The following ST3GAL3 variants were observed in gnomAD, a reference collection of about 807,000 sequenced individuals.
The protein encoded by ST3GAL3 is CMP-N-acetylneuraminate-beta-1,4-galactoside alpha-2,3-sialyltransferase.
In ST3GAL3, 21 loss-of-function variants were observed where a neutral mutation model predicts 50.1. The observed-to-expected ratio is 0.42, with a 90% CI of 0.30 to 0.60. ST3GAL3 has a LOEUF of 0.60. ST3GAL3 is among the 20% of genes least tolerant of loss of function. The pLI, the probability that ST3GAL3 is intolerant of heterozygous loss-of-function variation, is 0.19. For missense variants in ST3GAL3, 353 were observed against 489.4 expected (o/e 0.72, Z 2.63); for synonymous variants, 183 against 190.0 (o/e 0.96, Z 0.30).
chr1:43,881,068 T>C (rs1211027597), intron 5 of ST3GAL3, among the ~76,000 whole-genome samples: 1 of 151,832 alleles, frequency 6.6e-6, no homozygotes, highest in Non-Finnish European at 1.5e-5. Context: ...TGGAGTGCAA[T>C]GGCGCGATCT....
intron 3 of ST3GAL3, among the ~76,000 whole-genome samples, chr1:43,812,282 G>A (rs1350906234): frequency 6.6e-6 from 1 of 152,098 alleles, no homozygotes; most frequent in African/African-American, 2.4e-5. Context: ...CGGGGCCTGC[G>A]TTGCTGCCTG....
At chr1:43,748,126 A>G (rs1166029346) in intron 2 of ST3GAL3, among the ~76,000 whole-genome samples, 1 of 152,160 alleles carries the variant, frequency 6.6e-6, no homozygotes. Flanking sequence ...AGCAGAAACC[A>G]AATATATATT....
Position 43,814,905 on chromosome 1 carries a change from G to A in ST3GAL3, c.181G>A (p.Gly61Ser). 6.2e-7 allele frequency: 1 copy of A among 1,614,106 alleles called. No homozygotes were observed. Among genetic ancestry groups the A allele is most frequent in the Non-Finnish European group, 8.5e-7 (1 of 1,180,028 alleles). Residue 61 changes from glycine (G) to serine (S), a missense_variant, in exon 4 of 12, where the codon GGC becomes AGC. Transcript: ENST00000347631. ...TTCTTTTTCAGAGTATGATCGGTTGGGCTTCCTCCTGAATCTGGACTCTAA... is the reference window on the plus strand; with the variant it reads ...TTCTTTTTCAGAGTATGATCGGTTGAGCTTCCTCCTGAATCTGGACTCTAA... ...QTLGSEYDRLGFLLNLDSKLP... is the reference protein window; with the variant it reads ...QTLGSEYDRLSFLLNLDSKLP...
chr1:43,798,134 T>C (rs2058894878), intron 3 of ST3GAL3, among the ~76,000 whole-genome samples: 1 of 152,202 alleles, frequency 6.6e-6, no homozygotes, highest in South Asian at 2.1e-4. Context: ...ACCCTGATTG[T>C]TCCTCTTCCT....
intron 2 of ST3GAL3, among the ~76,000 whole-genome samples, chr1:43,765,198 A>G (rs1364430710): frequency 6.6e-6 from 1 of 152,096 alleles, no homozygotes; most frequent in Non-Finnish European, 1.5e-5. Context: ...ATTTAGGGCC[A>G]CAGACTTCAT....
intron 1 of ST3GAL3, among the ~76,000 whole-genome samples, chr1:43,728,743 TA>T (rs958356858): frequency 6.6e-6 from 1 of 152,052 alleles, no homozygotes; most frequent in Admixed American, 6.6e-5. Context: ...AGAAACTGTT[TA>T]AAAAAAATTA....
chr1:43,725,176 T>C (rs1672321994), intron 1 of ST3GAL3, among the ~76,000 whole-genome samples: 1 of 152,164 alleles, frequency 6.6e-6, no homozygotes, highest in Admixed American at 6.5e-5. Flanking sequence ...TGCAACTCTT[T>C]ACCTGCATGC....
intron 3 of ST3GAL3, among the ~76,000 whole-genome samples, chr1:43,800,804 A>G (rs1284837095): frequency 6.6e-6 from 1 of 152,198 alleles, no homozygotes; most frequent in African/African-American, 2.4e-5. Flanking sequence ...TGCAAGCCTG[A>G]CAGCCCATTT....
chr1:43,770,392 C>A (rs945590747), intron 2 of ST3GAL3, among the ~76,000 whole-genome samples: 2 of 151,906 alleles, frequency 1.3e-5, no homozygotes, highest in Non-Finnish European at 2.9e-5. Context: ...AAAGCACTGA[C>A]ATAGGAGGGA....
chr1:43,862,999 C>T (rs984019012), intron 5 of ST3GAL3, among the ~76,000 whole-genome samples: 1 of 152,146 alleles, frequency 6.6e-6, no homozygotes, highest in African/African-American at 2.4e-5. Flanking sequence ...TTGAGTTTGA[C>T]GGTCTCCCTC....
At chr1:43,898,498 T>G in intron 7 of ST3GAL3, 200 bp downstream of exon 7, 1 of 653,370 alleles carries the variant, frequency 1.5e-6, no homozygotes, top group Admixed American at 2.1e-5. Flanking sequence ...TGTCAGCACT[T>G]GGCAGGACAT....
rs2082792890 is a variant in ST3GAL3, at chr1:43,920,254, A to G, written c.745-150A>G. ...TGTCACACACTCCATTTCCCCAAAC[A>G]CAGATGGGCTTCCTACACCACAGGC... is the stretch of plus-strand genomic sequence containing the variant. On this transcript the variant is annotated intron_variant, in intron 9 of 11. Transcript: ENST00000347631. The G allele has an allele frequency of 8.0e-6, 7 of 869,932 alleles. No homozygotes were observed. In the East Asian group the frequency reaches 1.7e-4, roughly 21 times the overall value. The allele number at this position is 869,932 out of a possible 1,614,324, so 53.9% of individuals were successfully genotyped here. A position where few individuals can be genotyped will look rare whatever the true frequency, so the allele number is the denominator to read the frequency against.
intron 2 of ST3GAL3, among the ~76,000 whole-genome samples, chr1:43,745,448 A>ACT (rs10692321): frequency 0.36 from 55,084 of 151,904 alleles, 11,081 homozygotes; most frequent in African/African-American, 0.55. Context: ...CTCTAAATAG[A>ACT]CTGATAAGTT....
At chr1:43,896,385 T>G (rs1358754368) in intron 6 of ST3GAL3, among the ~76,000 whole-genome samples, 1 of 152,168 alleles carries the variant, frequency 6.6e-6, no homozygotes, top group Non-Finnish European at 1.5e-5. Context: ...ATACAAAAAA[T>G]ACTAGGAATA....
At chr1:43,843,196 T>C (rs557696105) in intron 5 of ST3GAL3, among the ~76,000 whole-genome samples, 17 of 152,364 alleles carry the variant, frequency 1.1e-4, no homozygotes, top group Non-Finnish European at 2.4e-4. Flanking sequence ...TTCACCATTA[T>C]GGTGTTAGCT....
At chr1:43,927,228 G>A (rs572024243) in intron 11 of ST3GAL3, among the ~76,000 whole-genome samples, 2 of 152,256 alleles carry the variant, frequency 1.3e-5, no homozygotes, top group Admixed American at 1.3e-4. Flanking sequence ...AGGAGGCTGA[G>A]GCAGGAGAAT....
intron 2 of ST3GAL3, among the ~76,000 whole-genome samples, chr1:43,751,832 T>G (rs1686229574): frequency 6.6e-6 from 1 of 150,736 alleles, no homozygotes; most frequent in Admixed American, 6.6e-5. Context: ...TTTTGTTCTG[T>G]TTTTTTTTGA....
At chr1:43,747,401 G>A (rs1047691305) in intron 2 of ST3GAL3, among the ~76,000 whole-genome samples, 2 of 151,812 alleles carry the variant, frequency 1.3e-5, no homozygotes, top group African/African-American at 2.4e-5. Context: ...GACAGAGTGA[G>A]ACTCCATCTC....
At position 43,888,945 on chromosome 1, in the gene ST3GAL3, A is replaced by G. The variant is rs569540323; in HGVS notation, c.303-5438A>G. The stretch of plus-strand genomic sequence containing the variant: ...TTTTAGGAATCTATTTCAAAGATAC[A>G]TTGGCAAATAGAAAAGACATATGCA... On this transcript the variant is annotated intron_variant, in intron 5 of 11. Transcript: ENST00000347631. Among the ~76,000 whole-genome samples the G allele has an allele frequency of 3.9e-5, 6 of 152,352 alleles. No individual in the cohort carries two copies. The South Asian group carries it at 1.2e-3, about 32-fold the overall frequency.
Sources: gnomAD v4.1 joint callset for allele counts (sites outside exome capture counted in the v4.1 genomes callset) on GRCh38, gnomAD v4.1.1 for gene constraint, MANE v1.5 for transcripts, NCBI Gene and HGNC (gene_info 2026-07-23, HGNC 2026-07-21) for gene names.